The following WWOX variants were observed in gnomAD, a reference collection of about 807,000 sequenced individuals.
WWOX encodes the protein WW domain containing oxidoreductase, also known as WW domain-containing oxidoreductase.
WWOX carries 69 observed loss-of-function variants against 46.2 expected under a neutral mutation model. The ratio of observed to expected loss-of-function variants is 1.49; its 90% CI spans 1.23 to 1.82. The LOEUF is 1.82. Ranked by LOEUF, WWOX falls within the 40% of genes most tolerant of loss-of-function variation. WWOX has a pLI of 0.00. For synonymous variants in WWOX, 359 were observed against 202.6 expected (o/e 1.77, Z -6.56); for missense variants, 919 against 542.6 (o/e 1.69, Z -6.89).
intron 8 of WWOX, among the ~76,000 whole-genome samples, chr16:78,859,749 G>C (rs2037075945): frequency 6.6e-6 from 1 of 152,102 alleles, no homozygotes; most frequent in Admixed American, 6.5e-5. Context: ...AACACTAATA[G>C]CTATTGATGG....
chr16:78,482,690 G>T (rs1458536317), intron 8 of WWOX, among the ~76,000 whole-genome samples: 2 of 152,274 alleles, frequency 1.3e-5, no homozygotes, highest in Admixed American at 6.5e-5. Flanking sequence ...GAGAGTTGAA[G>T]TAATCAACTG....
chr16:78,607,250 A>G (rs952139383), intron 8 of WWOX, among the ~76,000 whole-genome samples: 2 of 152,226 alleles, frequency 1.3e-5, no homozygotes, highest in African/African-American at 4.8e-5. Flanking sequence ...ATATTTTCAA[A>G]TACAATATTT....
At chr16:78,991,176 A>G (rs2046879663) in intron 8 of WWOX, among the ~76,000 whole-genome samples, 1 of 152,202 alleles carries the variant, frequency 6.6e-6, no homozygotes, top group Non-Finnish European at 1.5e-5. Context: ...AAAGTCAAAG[A>G]AGAAATTTGG....
chr16:78,832,725 G>A (rs1461971446), intron 8 of WWOX, among the ~76,000 whole-genome samples: 3 of 152,126 alleles, frequency 2.0e-5, no homozygotes, highest in African/African-American at 7.2e-5. Flanking sequence ...CAACCCAAGG[G>A]AATCATGTGT....
At chr16:79,206,802 C>T (rs897278644) in intron 8 of WWOX, 31 of 152,034 alleles carry the variant, frequency 2.0e-4, no homozygotes, top group African/African-American at 7.5e-4. Context: ...GTGTGGTCAC[C>T]TAGCCAGGGA....
intron 5 of WWOX, among the ~76,000 whole-genome samples, chr16:78,254,502 G>GTTTTTTTTTTTT (rs59706959): frequency 0.01 from 961 of 91,588 alleles, 78 homozygotes; most frequent in African/African-American, 0.03. Flanking sequence ...TTTCTTTCTT[G>GTTTTTTTTTTTT]TTTTTTTTTT....
rs1022543011 is a variant in WWOX at position 78,271,171 on chromosome 16, C to T, written c.516+106882C>T. On this transcript the variant is annotated intron_variant, in intron 5 of 8. Coordinates refer to ENST00000566780, the MANE Select transcript of WWOX (RefSeq NM_016373.4). ...CGCTGTTCTGTGCCATCTTGAGTCACGTTTTTAAAACAATTACCTTTGATG... is the reference window on the plus strand; with the variant it reads ...CGCTGTTCTGTGCCATCTTGAGTCATGTTTTTAAAACAATTACCTTTGATG... Among the ~76,000 whole-genome samples the T allele has an allele frequency of 7.2e-5, 11 of 152,136 alleles. No homozygotes were observed. In the South Asian group the frequency reaches 1.5e-3, roughly 20 times the overall value.
chr16:78,560,056 G>T (rs2044397420), intron 8 of WWOX, among the ~76,000 whole-genome samples: 1 of 152,090 alleles, frequency 6.6e-6, no homozygotes, highest in Non-Finnish European at 1.5e-5. Flanking sequence ...GTGTACTTTT[G>T]GTTGTTAGGA....
intron 8 of WWOX, among the ~76,000 whole-genome samples, chr16:78,789,288 G>A (rs1056416640): frequency 1.3e-5 from 2 of 152,098 alleles, no homozygotes; most frequent in African/African-American, 4.8e-5. Context: ...TAGCACTTAT[G>A]TTAAGACTTT....
chr16:78,355,700 G>A, intron 5 of WWOX: 3 of 740,814 alleles, frequency 4.0e-6, no homozygotes, highest in Non-Finnish European at 6.9e-6. Flanking sequence ...AGACGTGGAA[G>A]AAACTGTGAC....
intron 4 of WWOX, among the ~76,000 whole-genome samples, chr16:78,128,394 C>A (rs1367254124): frequency 1.3e-5 from 2 of 152,112 alleles, no homozygotes; most frequent in Non-Finnish European, 2.9e-5. Context: ...AAACTTGATT[C>A]AATAAGAAGG....
Position 78,828,374 on chromosome 16 carries a change from A to G in WWOX, c.1057-383234A>G, listed in dbSNP as rs543878107. On this transcript the variant is annotated intron_variant, in intron 8 of 8. Transcript: ENST00000566780. ...CTGGAGGTGAGTGAGAAGAACGGAT[A>G]CGGTTAGGACCAACATTTAGGCAAT... Among the ~76,000 whole-genome samples the G allele has an allele frequency of 6.7e-4, 102 of 152,294 alleles. 5 individuals carry two copies. In the South Asian group the frequency reaches 0.02, roughly 30 times the overall value.
intron 8 of WWOX, among the ~76,000 whole-genome samples, chr16:79,014,159 A>G (rs1394870128): frequency 1.3e-5 from 2 of 152,168 alleles, no homozygotes; most frequent in African/African-American, 4.8e-5. Flanking sequence ...GGATGGTCCT[A>G]TTTAAGGAAG....
rs1016859986 is a variant in WWOX, at chr16:78,576,900, C to T, written c.1056+144148C>T. Among the ~76,000 whole-genome samples, 15 of 152,296 alleles carry T rather than the reference C, an allele frequency of 9.8e-5. 1 individual carries two copies. Among genetic ancestry groups the T allele is most frequent in the Non-Finnish European group, 1.9e-4 (13 of 68,022 alleles). ...TCCTTCTAAGGCTAACATTTCTTTG[C>T]CATCCCCACACTACCATCTGCTCAC... On this transcript the variant is annotated intron_variant, in intron 8 of 8. Transcript: ENST00000566780.
Position 79,212,197 on chromosome 16 carries a change from C to G in WWOX, c.*401C>G. 6.9e-7 allele frequency: 1 copy of G among 1,458,258 alleles called. No homozygotes were observed. Among genetic ancestry groups the G allele is most frequent in the Non-Finnish European group, 9.0e-7 (1 of 1,112,638 alleles). The allele number at this position is 1,458,258 out of a possible 1,614,324, so 90.3% of individuals were successfully genotyped here. ...ACTGCAGCCGGGGGCTGGCCTTCTC[C>G]TACTTAGGGAAGAAAAAGCAAGTGT... On this transcript the variant is annotated 3_prime_UTR_variant, in exon 9 of 9. Transcript: ENST00000566780.
At chr16:78,615,761 T>C (rs1341324676) in intron 8 of WWOX, among the ~76,000 whole-genome samples, 26 of 152,106 alleles carry the variant, frequency 1.7e-4, no homozygotes. Context: ...TAATTTTTTT[T>C]TTTTTTTGAG....
intron 8 of WWOX, among the ~76,000 whole-genome samples, chr16:79,102,058 G>T (rs1189009337): frequency 7.8e-6 from 1 of 128,466 alleles, no homozygotes; most frequent in Non-Finnish European, 1.7e-5. Flanking sequence ...GGGAGTAGGG[G>T]GGAGGGGGGG....
chr16:78,650,931 T>C (rs2046952637), intron 8 of WWOX, among the ~76,000 whole-genome samples: 1 of 152,208 alleles, frequency 6.6e-6, no homozygotes, highest in Admixed American at 6.5e-5. Flanking sequence ...CTTGGCTGTT[T>C]GGTTTATGTC....
At chr16:78,114,937 G>T (rs777776208) in intron 3 of WWOX, 39 bp from the exon 4 acceptor site, 1 of 1,613,392 alleles carries the variant, frequency 6.2e-7, no homozygotes, top group South Asian at 1.1e-5. Flanking sequence ...AAATGCCTGT[G>T]TTCATTGCTG....
Sources: allele counts gnomAD v4.1 joint callset (sites outside exome capture counted in the v4.1 genomes callset), GRCh38; gene constraint gnomAD v4.1.1; transcripts MANE v1.5; gene names NCBI Gene and HGNC (gene_info 2026-07-23, HGNC 2026-07-21).